The following ABCB5 variants were observed in gnomAD, a reference collection of about 807,000 sequenced individuals.
ABCB5 encodes ATP-binding cassette sub-family B member 5.
Under a neutral mutation model 144.2 loss-of-function variants are expected in ABCB5, and 155 were observed. The observed-to-expected ratio is 1.08, with a 90% confidence interval of 0.94 to 1.23. The LOEUF is 1.23. Among genes scored for constraint, ABCB5 ranks in the 50% most tolerant of loss-of-function variants. The pLI, the probability that ABCB5 is intolerant of heterozygous loss-of-function variation, is 0.00. For missense variants in ABCB5, 1,830 were observed against 1,520.8 expected, an observed-to-expected ratio of 1.20 and a Z score of -3.38; for synonymous variants, 610 against 528.6, an observed-to-expected ratio of 1.15 and a Z score of -2.11.
intron 20 of ABCB5, among the ~76,000 whole-genome samples, chr7:20,710,987 T>G (rs1399335907): frequency 6.7e-6 from 1 of 149,918 alleles, no homozygotes. Context: ...GGCTTTATAG[T>G]ACCCATCTTT....
chr7:20,737,713 G>A (rs1451221588), intron 23 of ABCB5, among the ~76,000 whole-genome samples: 1 of 151,808 alleles, frequency 6.6e-6, no homozygotes, highest in Non-Finnish European at 1.5e-5. Flanking sequence ...TGAGGCTTAA[G>A]TCTGACAGTC....
At chr7:20,710,019 C>T (rs1259408828) in intron 20 of ABCB5, among the ~76,000 whole-genome samples, 3 of 146,206 alleles carry the variant, frequency 2.1e-5, no homozygotes, top group African/African-American at 5.1e-5. Flanking sequence ...AGGCCAAGAC[C>T]ATGCCACTGC....
At chr7:20,728,592 A>G (rs1230380201) in intron 23 of ABCB5, 137 bp downstream of exon 23, 4 of 999,622 alleles carry the variant, frequency 4.0e-6, no homozygotes, top group South Asian at 2.0e-5. Context: ...CATCTCTACT[A>G]AAAATACAAA....
At chr7:20,616,476 A>G (rs1443998214) in intron 1 of ABCB5, among the ~76,000 whole-genome samples, 2 of 152,194 alleles carry the variant, frequency 1.3e-5, no homozygotes, top group Admixed American at 6.6e-5. Flanking sequence ...ATTTTGTCCT[A>G]TGATTTCCAT....
intron 14 of ABCB5, among the ~76,000 whole-genome samples, chr7:20,665,768 G>GACAGATAGAGATAC (rs375425769): frequency 1.6e-5 from 2 of 125,432 alleles, no homozygotes; most frequent in Non-Finnish European, 3.3e-5. Flanking sequence ...GATAGATAGA[G>GACAGATAGAGATAC]ATACATACAT....
At chr7:20,732,793 G>A (rs1010584340) in intron 23 of ABCB5, among the ~76,000 whole-genome samples, 2 of 152,132 alleles carry the variant, frequency 1.3e-5, no homozygotes, top group African/African-American at 4.8e-5. Flanking sequence ...ACTGAGATTT[G>A]TTTAGATTAA....
At chr7:20,719,687 C>T (rs1292549479) in intron 20 of ABCB5, among the ~76,000 whole-genome samples, 6 of 152,062 alleles carry the variant, frequency 3.9e-5, no homozygotes, top group African/African-American at 9.7e-5. Flanking sequence ...GGAGGGTGTT[C>T]GTGCAGGGAA....
intron 16 of ABCB5, among the ~76,000 whole-genome samples, chr7:20,697,445 A>G (rs975436381): frequency 6.6e-6 from 1 of 152,204 alleles, no homozygotes; most frequent in Non-Finnish European, 1.5e-5. Context: ...CTACTTTCCT[A>G]CTCAGAATAA....
intron 20 of ABCB5, among the ~76,000 whole-genome samples, chr7:20,706,078 C>T (rs2128044826): frequency 6.6e-6 from 1 of 152,156 alleles, no homozygotes; most frequent in Non-Finnish European, 1.5e-5. Flanking sequence ...CTGAGGAGTT[C>T]AATTTTATTG....
At chr7:20,728,808 T>C (rs1782121445) in intron 23 of ABCB5, among the ~76,000 whole-genome samples, 1 of 151,828 alleles carries the variant, frequency 6.6e-6, no homozygotes. Flanking sequence ...TGTAAGGGGG[T>C]CATGTACTTA....
rs10688708 is a variant in ABCB5 at position 20,634,238 on chromosome 7, TTGTGTG to T, written c.314+2153_314+2158del. On this transcript the variant is annotated intron_variant, in intron 5 of 27. Transcript: ENST00000404938. Reference sequence around the variant, plus strand: ...TTTTATGGCTGACTAGTATTCCATGTTGTGTGTGTGTGTGTGTGTGTGTGTGTGTGT... The same window carrying T: ...TTTTATGGCTGACTAGTATTCCATGTTGTGTGTGTGTGTGTGTGTGTGTGT... Among the ~76,000 whole-genome samples the T allele has an allele frequency of 1.0e-3, 145 of 140,546 alleles. 1 individual carries two copies. Among genetic ancestry groups the T allele is most frequent in the African/African-American group, 3.5e-3 (132 of 37,770 alleles). The allele number at this position is 140,546 out of a possible 152,430, so 92.2% of individuals were successfully genotyped here. A position where few individuals can be genotyped will look rare whatever the true frequency, so the allele number is the denominator to read the frequency against.
At chr7:20,695,679 C>T (rs996179764) in intron 16 of ABCB5, among the ~76,000 whole-genome samples, 3 of 151,898 alleles carry the variant, frequency 2.0e-5, no homozygotes, top group African/African-American at 7.2e-5. Context: ...CTGATCAGGA[C>T]TTGTATCCAA....
chr7:20,680,834 T>G (rs1785768880), intron 14 of ABCB5, among the ~76,000 whole-genome samples: 1 of 152,148 alleles, frequency 6.6e-6, no homozygotes, highest in African/African-American at 2.4e-5. Context: ...CTTTCTGACT[T>G]TCTTTTTATT....
chr7:20,739,899 ATAGG>A (rs1361177964), intron 24 of ABCB5, among the ~76,000 whole-genome samples: 4 of 152,190 alleles, frequency 2.6e-5, no homozygotes, highest in Admixed American at 2.0e-4. Context: ...AAGAGAAATA[ATAGG>A]TAGGGTGTAT....
chr7:20,745,792 A>G (rs1782701238), intron 26 of ABCB5, among the ~76,000 whole-genome samples: 1 of 152,182 alleles, frequency 6.6e-6, no homozygotes, highest in Non-Finnish European at 1.5e-5. Context: ...TCTTCCTCAC[A>G]GTAATCAGAG....
At chr7:20,650,267 T>A in intron 12 of ABCB5, 120 bp downstream of exon 12, 3 of 1,303,740 alleles carry the variant, frequency 2.3e-6, no homozygotes, top group Non-Finnish European at 3.1e-6. Flanking sequence ...GCCATATTGT[T>A]TTCTTTCCTT....
chr7:20,694,699 T>C (rs1208945988), intron 16 of ABCB5, among the ~76,000 whole-genome samples: 1 of 152,054 alleles, frequency 6.6e-6, no homozygotes, highest in Non-Finnish European at 1.5e-5. Context: ...TTATGGAATC[T>C]ACACATACAC....
At chr7:20,733,369 T>C (rs1361044379) in intron 23 of ABCB5, among the ~76,000 whole-genome samples, 1 of 152,130 alleles carries the variant, frequency 6.6e-6, no homozygotes, top group African/African-American at 2.4e-5. Flanking sequence ...CCCTAAAATA[T>C]GAGAATGAAA....
intron 11 of ABCB5, 27 bp from the exon 12 acceptor site, chr7:20,649,995 T>C (rs1562538265): frequency 6.3e-7 from 1 of 1,593,962 alleles, no homozygotes; most frequent in South Asian, 1.1e-5. Flanking sequence ...TGTGGTTTTA[T>C]GATTTTCCCT....
Sources: gnomAD v4.1 joint callset for allele counts (sites outside exome capture counted in the v4.1 genomes callset) on GRCh38, gnomAD v4.1.1 for gene constraint, MANE v1.5 for transcripts, NCBI Gene and HGNC (gene_info 2026-07-23, HGNC 2026-07-21) for gene names.